The following PTPRE variants were observed in gnomAD, a reference collection of about 807,000 sequenced individuals.
PTPRE encodes the protein protein tyrosine phosphatase receptor type E, also known as receptor-type tyrosine-protein phosphatase epsilon.
A neutral mutation model predicts 102.0 loss-of-function variants in PTPRE; 51 were observed. The observed-to-expected ratio is 0.50, with a 90% CI of 0.40 to 0.63. PTPRE has a LOEUF of 0.63. PTPRE is among the 30% of genes least tolerant of loss of function. PTPRE has a pLI of 0.00. For missense variants in PTPRE, 752 were observed against 915.1 expected (o/e 0.82, Z 2.30); for synonymous variants, 345 against 348.2 (o/e 0.99, Z 0.10).
At chr10:128,029,891 G>A (rs1039735908) in intron 2 of PTPRE, among the ~76,000 whole-genome samples, 4 of 152,206 alleles carry the variant, frequency 2.6e-5, no homozygotes, top group Non-Finnish European at 5.9e-5. Context: ...AGTCAGATCC[G>A]CCCAGGCTGC....
At chr10:128,067,927 C>T (rs1177590302) in intron 11 of PTPRE, among the ~76,000 whole-genome samples, 196 bp from the exon 12 acceptor site, 1 of 152,040 alleles carries the variant, frequency 6.6e-6, no homozygotes, top group Non-Finnish European at 1.5e-5. Flanking sequence ...GTTCTGTGGC[C>T]CCAAAAGCAG....
chr10:127,954,459 G>A (rs1049314116), intron 1 of PTPRE, among the ~76,000 whole-genome samples: 1 of 152,194 alleles, frequency 6.6e-6, no homozygotes, highest in Non-Finnish European at 1.5e-5. Context: ...ACCATCTGTG[G>A]ACTCATAGAT....
At chr10:128,047,577 A>C in intron 4 of PTPRE, 88 bp downstream of exon 4, 1 of 1,611,974 alleles carries the variant, frequency 6.2e-7, no homozygotes, top group Non-Finnish European at 8.5e-7. Flanking sequence ...GCTGTGCAGC[A>C]GAGGGCAGCT....
At chr10:128,066,992 G>GCA (rs1247641226) in intron 11 of PTPRE, among the ~76,000 whole-genome samples, 1 of 122,842 alleles carries the variant, frequency 8.1e-6, no homozygotes, top group African/African-American at 3.2e-5. Flanking sequence ...CCACACACAG[G>GCA]CACACACACG....
At chr10:127,916,122 A>G (rs1846189448) in intron 1 of PTPRE, among the ~76,000 whole-genome samples, 1 of 152,154 alleles carries the variant, frequency 6.6e-6, no homozygotes, top group African/African-American at 2.4e-5. Context: ...GAGGGGAGAC[A>G]TGGAAGGGCC....
At chr10:128,075,109 T>C (rs934702233) in intron 17 of PTPRE, among the ~76,000 whole-genome samples, 1 of 152,248 alleles carries the variant, frequency 6.6e-6, no homozygotes, top group African/African-American at 2.4e-5. Flanking sequence ...CACTCAAAAT[T>C]GTGCTTTTGA....
intron 2 of PTPRE, among the ~76,000 whole-genome samples, chr10:128,013,246 C>T (rs1234640040): frequency 1.3e-5 from 2 of 152,120 alleles, no homozygotes; most frequent in African/African-American, 2.4e-5. Flanking sequence ...GGAAACTCAT[C>T]GGTTAGCTGG....
At chr10:128,009,632 G>C (rs1013741206) in intron 2 of PTPRE, among the ~76,000 whole-genome samples, 8 of 152,228 alleles carry the variant, frequency 5.3e-5, no homozygotes, top group African/African-American at 1.7e-4. Context: ...GTGGACTGGA[G>C]CTCGGGTCGT....
chr10:127,927,915 T>A (rs946133155), intron 1 of PTPRE, among the ~76,000 whole-genome samples: 1 of 152,238 alleles, frequency 6.6e-6, no homozygotes, highest in Non-Finnish European at 1.5e-5. Flanking sequence ...GAAAGCATGA[T>A]GGCTTTCTTT....
intron 20 of PTPRE, 110 bp downstream of exon 20, chr10:128,079,805 A>C: frequency 7.3e-7 from 1 of 1,377,094 alleles, no homozygotes; most frequent in Non-Finnish European, 9.9e-7. Context: ...TGGGAAGGTA[A>C]AATTCCCAAG....
intron 1 of PTPRE, among the ~76,000 whole-genome samples, chr10:127,969,936 G>C (rs535276358): frequency 6.6e-6 from 1 of 152,340 alleles, no homozygotes; most frequent in South Asian, 2.1e-4. Flanking sequence ...AAGCTCTTCA[G>C]AAACTCTGGT....
chr10:127,999,771 T>C, intron 2 of PTPRE: 1 of 985,428 alleles, frequency 1.0e-6, no homozygotes, highest in African/African-American at 1.7e-5. Flanking sequence ...TCTGGTGACA[T>C]AGTGTGAGTG....
At chr10:128,012,907 ACAGT>A (rs1845132831) in intron 2 of PTPRE, among the ~76,000 whole-genome samples, 2 of 152,150 alleles carry the variant, frequency 1.3e-5, no homozygotes, top group African/African-American at 4.8e-5. Context: ...TATCCAGAAG[ACAGT>A]CAGTAAATAT....
intron 9 of PTPRE, among the ~76,000 whole-genome samples, chr10:128,062,161 G>A (rs767485271): frequency 2.6e-5 from 4 of 152,174 alleles, no homozygotes; most frequent in South Asian, 2.1e-4. Context: ...GCATCACTCC[G>A]TTCCACCAGA....
intron 2 of PTPRE, among the ~76,000 whole-genome samples, chr10:127,992,847 T>G (rs1852821832): frequency 6.6e-6 from 1 of 152,238 alleles, no homozygotes; most frequent in Non-Finnish European, 1.5e-5. Context: ...GCCAGGTGCG[T>G]GCCCAGGCAT....
intron 1 of PTPRE, among the ~76,000 whole-genome samples, chr10:127,932,909 C>T (rs1355514329): frequency 6.6e-6 from 1 of 152,252 alleles, no homozygotes; most frequent in Non-Finnish European, 1.5e-5. Flanking sequence ...AGCTTCCACA[C>T]AGGCTGTGGG....
intron 3 of PTPRE, among the ~76,000 whole-genome samples, chr10:128,045,796 C>A (rs1848041507): frequency 6.6e-6 from 1 of 152,194 alleles, no homozygotes; most frequent in South Asian, 2.1e-4. Context: ...GCAGCCACAC[C>A]CAGCCACTCA....
intron 2 of PTPRE, among the ~76,000 whole-genome samples, chr10:127,986,576 C>T (rs1852108290): frequency 6.6e-6 from 1 of 152,230 alleles, no homozygotes. Flanking sequence ...TGTACTTAGG[C>T]TTCCCTTCAC....
chr10:127,998,841 C>T (rs1853567301), intron 2 of PTPRE: 1 of 152,118 alleles, frequency 6.6e-6, no homozygotes, highest in African/African-American at 2.4e-5. Context: ...AAAAAAGAAG[C>T]TATGTGAAAA....
Sources: gnomAD v4.1 joint callset for allele counts (sites outside exome capture counted in the v4.1 genomes callset) on GRCh38, gnomAD v4.1.1 for gene constraint, MANE v1.5 for transcripts, NCBI Gene and HGNC (gene_info 2026-07-23, HGNC 2026-07-21) for gene names.